Variants in TC2N observed in about 807,000 individuals in gnomAD.
The protein encoded by TC2N is tandem C2 domains, nuclear, also known as tandem C2 domains nuclear protein.
In TC2N, 51 loss-of-function variants were observed where a neutral mutation model predicts 61.9. The ratio of observed to expected loss-of-function variants is 0.82; its 90% CI spans 0.66 to 1.04. TC2N has a LOEUF of 1.04. Among genes scored for constraint, TC2N ranks in the 50% least tolerant of loss-of-function variants. TC2N has a pLI of 0.00. For missense variants in TC2N, 556 were observed against 566.7 expected, an observed-to-expected ratio of 0.98 and a Z score of 0.19; for synonymous variants, 204 against 192.6, an observed-to-expected ratio of 1.06 and a Z score of -0.49.
chr14:91,831,054 T>C (rs945143258), intron 1 of TC2N, among the ~76,000 whole-genome samples: 2 of 152,218 alleles, frequency 1.3e-5, no homozygotes, highest in East Asian at 1.9e-4. Flanking sequence ...TTCCCCTGTT[T>C]AGCAAATGCT....
At position 91,832,193 on chromosome 14, in the gene TC2N, A is replaced by G. The variant is rs552758165; in HGVS notation, c.-56-18368T>C. Reference sequence around the variant, plus strand: ...CACCTGAGGTCAGGAGTTCGAGACCAGCCTGGCCAACATGGTAAAAACCCG... The same window carrying G: ...CACCTGAGGTCAGGAGTTCGAGACCGGCCTGGCCAACATGGTAAAAACCCG... On this transcript the variant is annotated intron_variant, in intron 1 of 11. Transcript: ENST00000435962. 3.0e-3 allele frequency among the ~76,000 whole-genome samples: 459 copies of G among 152,238 alleles called. 5 individuals are homozygous for G. The highest frequency in any genetic ancestry group is 0.011 in the African/African-American group (441 of 41,542).
chr14:91,802,786 T>C (rs1886323502), intron 3 of TC2N, among the ~76,000 whole-genome samples: 1 of 152,104 alleles, frequency 6.6e-6, no homozygotes, highest in East Asian at 1.9e-4. Flanking sequence ...GTAGAACATT[T>C]ATTAAAATTG....
At chr14:91,852,981 G>T (rs1371327890) in intron 1 of TC2N, among the ~76,000 whole-genome samples, 1 of 152,164 alleles carries the variant, frequency 6.6e-6, no homozygotes, top group Admixed American at 6.5e-5. Flanking sequence ...TGAGGCAGGA[G>T]AATGGCGTGA....
rs567868990 is a variant in TC2N at position 91,837,534 on chromosome 14, G to T, written c.-56-23709C>A. Reference sequence around the variant, plus strand: ...TTACAAGCATTGAGCCACGGTGCCAGCCTGGGTGGTGGGACTGTAAAATTG... The same window carrying T: ...TTACAAGCATTGAGCCACGGTGCCATCCTGGGTGGTGGGACTGTAAAATTG... On this transcript the variant is annotated intron_variant, in intron 1 of 11. Coordinates refer to ENST00000435962, the MANE Select transcript of TC2N (RefSeq NM_001128596.3). The surrounding 1 kb of genome is among the most constrained non-coding windows in gnomAD (Gnocchi z 4.2). 1.5e-3 allele frequency among the ~76,000 whole-genome samples: 232 copies of T among 152,270 alleles called. 1 individual carries two copies. The highest frequency in any genetic ancestry group is 5.3e-3 in the African/African-American group (220 of 41,536).
intron 1 of TC2N, among the ~76,000 whole-genome samples, chr14:91,839,958 TCATGTGG>T (rs1888133701): frequency 6.6e-6 from 1 of 152,206 alleles, no homozygotes; most frequent in Admixed American, 6.5e-5. Context: ...CTAGGTAAGG[TCATGTGG>T]CCAGTTCTGA....
At position 91,837,888 on chromosome 14, in the gene TC2N, C is replaced by T. The variant is rs1888077843; in HGVS notation, c.-56-24063G>A. 6.6e-6 allele frequency among the ~76,000 whole-genome samples: 1 copy of T among 152,214 alleles called. No homozygotes were observed. The highest frequency in any genetic ancestry group is 2.1e-4 in the South Asian group (1 of 4,824). On this transcript the variant is annotated intron_variant, in intron 1 of 11. Transcript: ENST00000435962. This position sits in a 1 kb window ranked among gnomAD's most constrained non-coding sequence, Gnocchi z 4.2. Reference sequence around the variant, plus strand: ...CTTTGAAAACCACTGCTTTCAACTCCTAGTACGTTCACATTTAATAATGTA... The same window carrying T: ...CTTTGAAAACCACTGCTTTCAACTCTTAGTACGTTCACATTTAATAATGTA...
intron 1 of TC2N, among the ~76,000 whole-genome samples, chr14:91,849,674 A>G (rs1888335120): frequency 6.6e-6 from 1 of 152,228 alleles, no homozygotes. Flanking sequence ...AGTCTTTAGC[A>G]TTTTTATTCG....
intron 8 of TC2N, 100 bp downstream of exon 8, chr14:91,797,685 A>G (rs1346358865): frequency 1.3e-6 from 1 of 792,502 alleles, no homozygotes; most frequent in Non-Finnish European, 2.1e-6. Flanking sequence ...TTTCCCTAAG[A>G]TAAAAGACTT....
Position 91,825,036 on chromosome 14 carries a change from T to C in TC2N, c.-56-11211A>G, listed in dbSNP as rs1032605343. Among the ~76,000 whole-genome samples the C allele has an allele frequency of 3.0e-3, 375 of 125,690 alleles. 2 individuals are homozygous for C. The highest frequency in any genetic ancestry group is 0.01 in the African/African-American group (353 of 34,890). The allele number at this position is 125,690 out of a possible 152,430, so 82.5% of individuals were successfully genotyped here. ...TTTTCTTTTTCTTTTCTTTTTTTTT[T>C]TTTTTTTTTTTTTTTTGGAGATGGA... On this transcript the variant is annotated intron_variant, in intron 1 of 11. Transcript: ENST00000435962.
In TC2N at chr14:91,796,047, T is replaced by G. The variant is rs1314111293; in HGVS notation, c.855+1738A>C. 3.9e-5 allele frequency among the ~76,000 whole-genome samples: 6 copies of G among 152,154 alleles called. 1 individual carries two copies. In the Middle Eastern group the frequency reaches 0.01, roughly 259 times the overall value. ...AATAATAAAATTGTAAAATGAAAGA[T>G]TCCATACAAGTTTTAATATGGGAAC... On this transcript the variant is annotated intron_variant, in intron 8 of 11. Transcript: ENST00000435962.
intron 9 of TC2N, among the ~76,000 whole-genome samples, chr14:91,791,855 G>A (rs979772213): frequency 1.3e-5 from 2 of 152,068 alleles, no homozygotes; most frequent in East Asian, 1.9e-4. Context: ...AGTGGCTCAC[G>A]CCTGTAATCC....
rs1456209686 is a variant in TC2N at position 91,787,535 on chromosome 14, G to C, written c.1140C>G (p.Ser380Arg). Residue 380 changes from serine (S) to arginine (R), a missense_variant, in exon 10 of 12, where the codon AGC becomes AGG. Coordinates refer to ENST00000435962, the MANE Select transcript of TC2N (RefSeq NM_001128596.3). ...TACTCAAAGTCAGAGGTGTTGATGA[G>C]CTTGGAAGGTACCGTGCCTCAAGAA... is the stretch of plus-strand genomic sequence containing the variant. ...LQILEARYLP[S>R]SSTPLTLSFF... 1 of 1,611,290 alleles carries C rather than the reference G, an allele frequency of 6.2e-7. No individual in the cohort carries two copies. The highest frequency in any genetic ancestry group is 1.3e-5 in the African/African-American group (1 of 74,826).
At chr14:91,834,448 C>T (rs1176988741) in intron 1 of TC2N, among the ~76,000 whole-genome samples, 5 of 152,074 alleles carry the variant, frequency 3.3e-5, no homozygotes, top group Non-Finnish European at 7.4e-5. Flanking sequence ...GTCTATCATC[C>T]TTATTTCTCT....
intron 1 of TC2N, among the ~76,000 whole-genome samples, chr14:91,821,461 A>G (rs980187083): frequency 2.0e-5 from 3 of 152,038 alleles, no homozygotes; most frequent in African/African-American, 7.2e-5. Context: ...CAAAAAAAAA[A>G]ATTGGATCCC....
At chr14:91,825,361 A>G (rs1178900255) in intron 1 of TC2N, among the ~76,000 whole-genome samples, 3 of 151,816 alleles carry the variant, frequency 2.0e-5, no homozygotes, top group Non-Finnish European at 4.4e-5. Context: ...CTTCCTTTCT[A>G]TTCTCAATTT....
chr14:91,783,246 C>CA (rs1885211403), intron 11 of TC2N, 36 bp from the exon 12 acceptor site: 2 of 1,197,332 alleles, frequency 1.7e-6, no homozygotes, highest in African/African-American at 1.5e-5. Flanking sequence ...TTTAACTTGA[C>CA]ACAATAATAA....
intron 1 of TC2N, among the ~76,000 whole-genome samples, chr14:91,815,637 C>T (rs1239720959): frequency 6.6e-6 from 1 of 151,572 alleles, no homozygotes; most frequent in Non-Finnish European, 1.5e-5. Context: ...TAACAAAACC[C>T]TAATCACTCA....
At chr14:91,834,685 C>G (rs1595268070) in intron 1 of TC2N, among the ~76,000 whole-genome samples, 1 of 152,120 alleles carries the variant, frequency 6.6e-6, no homozygotes, top group Non-Finnish European at 1.5e-5. Context: ...ACAATAGGCA[C>G]GTAATCAGTT....
At chr14:91,834,644 G>C (rs1437682023) in intron 1 of TC2N, among the ~76,000 whole-genome samples, 4 of 152,036 alleles carry the variant, frequency 2.6e-5, no homozygotes, top group African/African-American at 4.8e-5. Context: ...TATGTCTGCT[G>C]AGGTTAAAGC....
Sources: allele counts gnomAD v4.1 joint callset (sites outside exome capture counted in the v4.1 genomes callset), GRCh38; gene constraint gnomAD v4.1.1; non-coding constraint Gnocchi (gnomAD v3.1); transcripts MANE v1.5; gene names NCBI Gene and HGNC (gene_info 2026-07-23, HGNC 2026-07-21).